Variants in CASS4 observed in about 807,000 individuals in gnomAD.
CASS4 encodes Cas scaffold protein family member 4.
A neutral mutation model predicts 54.2 loss-of-function variants in CASS4; 22 were observed. The observed-to-expected ratio is 0.41, with a 90% CI of 0.29 to 0.58. The LOEUF (loss-of-function observed/expected upper bound fraction) is 0.58. CASS4 is among the 20% of genes least tolerant of loss of function. CASS4 has a pLI of 0.36. For synonymous variants in CASS4, 409 were observed against 391.5 expected, an observed-to-expected ratio of 1.04 and a Z score of -0.53; for missense variants, 854 against 986.7, an observed-to-expected ratio of 0.87 and a Z score of 1.80.
At chr20:56,436,462 A>G (rs1242528392) in intron 1 of CASS4, among the ~76,000 whole-genome samples, 1 of 151,202 alleles carries the variant, frequency 6.6e-6, no homozygotes, top group Non-Finnish European at 1.5e-5. Context: ...ACATATATAT[A>G]AATATCTCAA....
At chr20:56,443,731 C>A (rs1489234384) in intron 2 of CASS4, among the ~76,000 whole-genome samples, 1 of 152,098 alleles carries the variant, frequency 6.6e-6, no homozygotes, top group African/African-American at 2.4e-5. Flanking sequence ...AACACGGCAG[C>A]GTGCAGGCTG....
In CASS4 at chr20:56,452,566, A is replaced by C. The variant is rs376814976; in HGVS notation, c.1390A>C (p.Arg464=). 1.2e-6 allele frequency: 2 copies of C among 1,614,198 alleles called. No individual in the cohort carries two copies. Among genetic ancestry groups the C allele is most frequent in the Non-Finnish European group, 1.7e-6 (2 of 1,180,014 alleles). Residue 464 remains arginine (R), a synonymous_variant, in exon 5 of 6, where the codon AGG becomes CGG. Transcript: ENST00000679887. The stretch of plus-strand genomic sequence containing the variant: ...CGCTGGCCTGATGCTCTTTGTCAGC[A>C]GGAAGTGGAGATTCCGAGACTATCT... The part of the protein sequence containing the change: ...SVAGLMLFVS[R]KWRFRDYLEA...
intron 1 of CASS4, among the ~76,000 whole-genome samples, chr20:56,436,135 C>A (rs1008552380): frequency 6.6e-6 from 1 of 151,968 alleles, no homozygotes; most frequent in Non-Finnish European, 1.5e-5. Flanking sequence ...ACAGAATAGC[C>A]AAGTGAGGTG....
In CASS4 at chr20:56,421,838, A is replaced by G. The variant is rs529980727; in HGVS notation, c.36+9344A>G. ...TCCTCACTTTTTTCCTTAAAAAAAGAAAAAAGGAAAGAGGGAAGGAAAGGA... is the reference window on the plus strand; with the variant it reads ...TCCTCACTTTTTTCCTTAAAAAAAGGAAAAAGGAAAGAGGGAAGGAAAGGA... On this transcript the variant is annotated intron_variant, in intron 1 of 5. Coordinates refer to ENST00000679887, the MANE Select transcript of CASS4 (RefSeq NM_020356.4). Among the ~76,000 whole-genome samples, 13 of 152,308 alleles carry G rather than the reference A, an allele frequency of 8.5e-5. No homozygotes were observed. The East Asian group carries it at 2.5e-3, about 29-fold the overall frequency.
chr20:56,452,521 C>T lies in CASS4; in HGVS notation c.1345C>T (p.His449Tyr). 2 of 1,614,012 alleles carry T rather than the reference C, an allele frequency of 1.2e-6. No individual in the cohort carries two copies. The highest frequency in any genetic ancestry group is 2.2e-5 in the South Asian group (2 of 91,068). ...VAKETVMALQ[H>Y]KVVSSVAGLM... ...CAAGGAGACAGTGATGGCTCTGCAG[C>T]ACAAGGTGGTCAGCTCTGTCGCTGG... Residue 449 changes from histidine (H) to tyrosine (Y), a missense_variant, in exon 5 of 6, where the codon CAC becomes TAC. His to Tyr is a moderately conservative substitution (Grantham distance 83). Transcript: ENST00000679887.
At position 56,412,390 on chromosome 20, in the gene CASS4, T is replaced by C; in HGVS notation, c.-69T>C. 6.5e-7 allele frequency: 1 copy of C among 1,536,418 alleles called. No individual in the cohort carries two copies. The highest frequency in any genetic ancestry group is 9.0e-7 in the Non-Finnish European group (1 of 1,116,392). ...ACCAGCCAGAAGCATGCAGTGACAT[T>C]GCACAATCTGCCTCTGAAGCTGGAG... On this transcript the variant is annotated 5_prime_UTR_variant, in exon 1 of 6. Coordinates refer to ENST00000679887, the MANE Select transcript of CASS4 (RefSeq NM_020356.4). This position sits in a 1 kb window ranked among gnomAD's most constrained non-coding sequence, Gnocchi z 4.2.
chr20:56,446,971 G>T (rs549615775), intron 3 of CASS4, among the ~76,000 whole-genome samples: 55 of 152,228 alleles, frequency 3.6e-4, no homozygotes, highest in Admixed American at 1.5e-3. Flanking sequence ...ATTTTGGGAG[G>T]CCAAGGCAGG....
chr20:56,437,359 A>G lies in CASS4; in HGVS notation c.232A>G (p.Arg78Gly). The G allele has an allele frequency of 6.2e-7, 1 of 1,614,076 alleles. No individual in the cohort carries two copies. The highest frequency in any genetic ancestry group is 8.5e-7 in the Non-Finnish European group (1 of 1,179,972). The change falls in exon 2 of 6, where the codon AGG becomes GGG. Residue 78 changes from arginine (R) to glycine (G), a missense_variant. Coordinates refer to ENST00000679887, the MANE Select transcript of CASS4 (RefSeq NM_020356.4). This position sits in a 1 kb window ranked among gnomAD's most constrained non-coding sequence, Gnocchi z 4.7. ...AATCCTCACGGAGGTCGCTGCAGAC[A>G]GGCCGTGCCCCCCATTCCTGAGAGG... ...LQILTEVAAD[R>G]PCPPFLRGLE...
intron 1 of CASS4, among the ~76,000 whole-genome samples, chr20:56,427,697 C>T (rs1569140361): frequency 6.6e-6 from 1 of 152,214 alleles, no homozygotes; most frequent in Non-Finnish European, 1.5e-5. Context: ...CAGGGATTCA[C>T]ATTTCCCATG....
Position 56,451,838 on chromosome 20 carries a change from T to C in CASS4, c.662T>C (p.Ile221Thr), listed in dbSNP as rs1404979572. ...SQASGQGVPL[I>T]SVTTLRRGGY... The stretch of plus-strand genomic sequence containing the variant: ...CCACAGGGGCAGGGTGTTCCCCTGA[T>C]ATCAGTGACTACCTTAAGAAGAGGC... Residue 221 changes from isoleucine to threonine, a missense_variant, in exon 5 of 6, where the codon ATA becomes ACA. Ile to Thr is a moderately conservative substitution (Grantham distance 89). Transcript: ENST00000679887. The C allele has an allele frequency of 6.2e-7, 1 of 1,612,336 alleles. No individual in the cohort carries two copies. Among genetic ancestry groups the C allele is most frequent in the African/African-American group, 1.3e-5 (1 of 74,888 alleles).
chr20:56,412,457 A>G lies in CASS4; in HGVS notation c.-2A>G, dbSNP rs2146257392. 2 of 1,612,568 alleles carry G rather than the reference A, an allele frequency of 1.2e-6. No homozygotes were observed. Among genetic ancestry groups the G allele is most frequent in the East Asian group, 4.5e-5 (2 of 44,830 alleles). ...TCAGGGGAGCTGCTCCACATCACCG[A>G]CATGAAGGGAACAGGCATCATGGAC... On this transcript the variant is annotated 5_prime_UTR_variant, in exon 1 of 6. Coordinates refer to ENST00000679887, the MANE Select transcript of CASS4 (RefSeq NM_020356.4). This position sits in a 1 kb window ranked among gnomAD's most constrained non-coding sequence, Gnocchi z 4.2.
At chr20:56,457,878 G>A (rs992251403) in intron 5 of CASS4, among the ~76,000 whole-genome samples, 1 of 151,992 alleles carries the variant, frequency 6.6e-6, no homozygotes. Flanking sequence ...AATTGGGCAT[G>A]GTGGCAGGTG....
chr20:56,452,057 TG>T lies in CASS4; in HGVS notation c.882del (p.Asn295IlefsTer42). Reference sequence around the variant, plus strand: ...AGATCCAGGTCCCTCACTCCACAACTGAATAACAATGTGCCCATGCAGAAAA... The same window carrying T: ...AGATCCAGGTCCCTCACTCCACAACTAATAACAATGTGCCCATGCAGAAAA... Reference protein sequence around the residue: ...SGRSRSLTPQLNNNVPMQKKL... With the variant: ...SGRSRSLTPQXNNNVPMQKKL... On this transcript the variant is annotated frameshift_variant, in exon 5 of 6. Transcript: ENST00000679887. LOFTEE classifies it high-confidence loss of function. The T allele has an allele frequency of 6.2e-7, 1 of 1,614,202 alleles. No homozygotes were observed. Among genetic ancestry groups the T allele is most frequent in the Non-Finnish European group, 8.5e-7 (1 of 1,180,032 alleles).
In CASS4 at chr20:56,432,154, G is replaced by A. The variant is rs990031356; in HGVS notation, c.37-5010G>A. Among the ~76,000 whole-genome samples the A allele has an allele frequency of 1.1e-4, 17 of 152,052 alleles. 1 individual carries two copies. Among genetic ancestry groups the A allele is most frequent in the Non-Finnish European group, 2.9e-5 (2 of 67,996 alleles). ...AGGTAGGTATAGGCAATTTAATTAA[G>A]GCATATTAGAGTGTGATTGCAAGGC... On this transcript the variant is annotated intron_variant, in intron 1 of 5. Coordinates refer to ENST00000679887, the MANE Select transcript of CASS4 (RefSeq NM_020356.4).
intron 1 of CASS4, among the ~76,000 whole-genome samples, chr20:56,416,709 A>G (rs1432099094): frequency 1.3e-5 from 2 of 152,196 alleles, no homozygotes; most frequent in Non-Finnish European, 2.9e-5. Flanking sequence ...CTTATTTTCC[A>G]TCATTTTCTG....
intron 1 of CASS4, among the ~76,000 whole-genome samples, chr20:56,424,072 A>C (rs1470730890): frequency 6.6e-6 from 1 of 152,196 alleles, no homozygotes; most frequent in African/African-American, 2.4e-5. Flanking sequence ...AGCATCTCTC[A>C]CTTAACTACT....
At position 56,438,906 on chromosome 20, in the gene CASS4, A is replaced by G. The variant is rs141579948; in HGVS notation, c.459+1320A>G. Reference sequence around the variant, plus strand: ...ACTCTAAAAAGGAATTCTGTATGTGAGTGTGTATGTGCATGTGTGCTCTCA... The same window carrying G: ...ACTCTAAAAAGGAATTCTGTATGTGGGTGTGTATGTGCATGTGTGCTCTCA... On this transcript the variant is annotated intron_variant, in intron 2 of 5. Coordinates refer to ENST00000679887, the MANE Select transcript of CASS4 (RefSeq NM_020356.4). 2.6e-5 allele frequency among the ~76,000 whole-genome samples: 4 copies of G among 152,236 alleles called. No homozygotes were observed. In the South Asian group the frequency reaches 8.3e-4, roughly 31 times the overall value.
Position 56,437,645 on chromosome 20 carries a change from T to G in CASS4, c.459+59T>G. 7.1e-7 allele frequency: 1 copy of G among 1,415,612 alleles called. No individual in the cohort carries two copies. The highest frequency in any genetic ancestry group is 9.5e-7 in the Non-Finnish European group (1 of 1,052,932). 87.7% of individuals were successfully genotyped at this position (1,415,612 alleles called of 1,614,324 possible). ...AGGGGTATGGAAACACCCAGAGGCC[T>G]AACTACCTCTTGAGGCATGGGTGTC... On this transcript the variant is annotated intron_variant, in intron 2 of 5. Transcript: ENST00000679887. This position sits in a 1 kb window ranked among gnomAD's most constrained non-coding sequence, Gnocchi z 4.7.
At position 56,452,360 on chromosome 20, in the gene CASS4, C is replaced by G. The variant is rs754801286; in HGVS notation, c.1184C>G (p.Pro395Arg). The change falls in exon 5 of 6, where the codon CCG becomes CGG. Residue 395 changes from proline (P) to arginine (R), a missense_variant. Coordinates refer to ENST00000679887, the MANE Select transcript of CASS4 (RefSeq NM_020356.4). ...CGGACAACTTCCCCATCTCCTGAACCGGACAGATTATCAGGTTCCAGTTCT... is the reference window on the plus strand; with the variant it reads ...CGGACAACTTCCCCATCTCCTGAACGGGACAGATTATCAGGTTCCAGTTCT... ...SRRTTSPSPEPDRLSGSSSDS... is the reference protein window; with the variant it reads ...SRRTTSPSPERDRLSGSSSDS... The G allele has an allele frequency of 1.9e-6, 3 of 1,613,972 alleles. No homozygotes were observed. Among genetic ancestry groups the G allele is most frequent in the Admixed American group, 1.7e-5 (1 of 60,020 alleles).
Sources: allele counts gnomAD v4.1 joint callset (sites outside exome capture counted in the v4.1 genomes callset), GRCh38; gene constraint gnomAD v4.1.1; non-coding constraint Gnocchi (gnomAD v3.1); transcripts MANE v1.5; gene names NCBI Gene and HGNC (gene_info 2026-07-23, HGNC 2026-07-21).